ZMAT5: variants seen among roughly 807,000 people sequenced by gnomAD.
The protein encoded by ZMAT5 is zinc finger matrin-type protein 5.
Under a neutral mutation model 28.0 loss-of-function variants are expected in ZMAT5, and 23 were observed. The ratio of observed to expected loss-of-function variants is 0.82; its 90% CI spans 0.59 to 1.16. ZMAT5 has a LOEUF of 1.16. Among genes scored for constraint, ZMAT5 ranks in the 50% most tolerant of loss-of-function variants. The probability of loss-of-function intolerance (pLI) is 0.00; values close to 1 mark genes in which losing one functional copy is unlikely to be tolerated. For missense variants in ZMAT5, 173 were observed against 212.7 expected (o/e 0.81, Z 1.16); for synonymous variants, 76 against 84.1 (o/e 0.90, Z 0.52).
At chr22:29,732,029 A>G (rs756073739) in intron 5 of ZMAT5, among the ~76,000 whole-genome samples, 3 of 152,156 alleles carry the variant, frequency 2.0e-5, no homozygotes, top group Non-Finnish European at 4.4e-5. Context: ...CTCCCCTGGA[A>G]CTTGGGGTCC....
chr22:29,761,269 C>CAA (rs131283), intron 1 of ZMAT5, among the ~76,000 whole-genome samples: 7,852 of 59,028 alleles, frequency 0.13, 894 homozygotes, highest in South Asian at 0.23. Context: ...AACTCCGTCT[C>CAA]AAAAAAAAAA....
chr22:29,742,453 T>C lies in ZMAT5; in HGVS notation c.155A>G (p.Gln52Arg). 2 of 1,613,204 alleles carry C rather than the reference T, an allele frequency of 1.2e-6. No homozygotes were observed. The highest frequency in any genetic ancestry group is 1.7e-6 in the Non-Finnish European group (2 of 1,179,958). The change falls in exon 3 of 6, where the codon CAG (glutamine) becomes CGG (arginine). Residue 52 changes from glutamine (Q) to arginine (R), a missense_variant. Coordinates refer to ENST00000344318, the MANE Select transcript of ZMAT5 (RefSeq NM_001003692.2). ...AAACTTCCTGCAGGGCCGCTTGTTC[T>C]GCTCATCCAGCAAGATGGCAGCTGC... ...RDAAAILLDE[Q>R]NKRPCRKFLL...
chr22:29,765,004 A>G (rs2068193139), intron 1 of ZMAT5, among the ~76,000 whole-genome samples: 1 of 152,132 alleles, frequency 6.6e-6, no homozygotes, highest in South Asian at 2.1e-4. Context: ...CCTCTAAACT[A>G]CAGATCCATG....
chr22:29,739,787 A>T (rs554204500), intron 4 of ZMAT5, among the ~76,000 whole-genome samples: 2 of 152,362 alleles, frequency 1.3e-5, no homozygotes, highest in Admixed American at 1.3e-4. Context: ...CCCTGGGGAA[A>T]AATGCTCCTG....
chr22:29,763,427 C>A (rs1027203666), intron 1 of ZMAT5, among the ~76,000 whole-genome samples: 1 of 151,480 alleles, frequency 6.6e-6, no homozygotes, highest in Non-Finnish European at 1.5e-5. Context: ...CATGGTGAAA[C>A]CCCTTCTCTA....
chr22:29,763,583 C>T (rs1191389224), intron 1 of ZMAT5, among the ~76,000 whole-genome samples: 1 of 151,670 alleles, frequency 6.6e-6, no homozygotes, highest in Admixed American at 6.6e-5. Flanking sequence ...GCCTGGGCAA[C>T]AGAACGAGAC....
intron 2 of ZMAT5, among the ~76,000 whole-genome samples, chr22:29,745,319 C>T (rs750614075): frequency 6.6e-6 from 1 of 152,144 alleles, no homozygotes; most frequent in Non-Finnish European, 1.5e-5. Flanking sequence ...CAGCTTATGC[C>T]CAGCAGATGC....
chr22:29,744,885 G>A (rs771683900), intron 2 of ZMAT5, among the ~76,000 whole-genome samples: 7 of 152,220 alleles, frequency 4.6e-5, no homozygotes, highest in Non-Finnish European at 8.8e-5. Context: ...GGCCCTGCAC[G>A]AGGAAGCCCA....
chr22:29,762,064 T>C (rs1230827318), intron 1 of ZMAT5, among the ~76,000 whole-genome samples: 2 of 152,222 alleles, frequency 1.3e-5, no homozygotes, highest in African/African-American at 4.8e-5. Flanking sequence ...GATTAGATTT[T>C]GTAGTAACTC....
In ZMAT5 at chr22:29,748,671, T is replaced by C. The variant is rs2232897; in HGVS notation, c.-27-100A>G. 4.1e-6 allele frequency: 6 copies of C among 1,452,776 alleles called. No homozygotes were observed. In the African/African-American group the frequency reaches 8.4e-5, roughly 20 times the overall value. The allele number at this position is 1,452,776 out of a possible 1,614,324, so 90.0% of individuals were successfully genotyped here. A position where few individuals can be genotyped will look rare whatever the true frequency, so the allele number is the denominator to read the frequency against. On this transcript the variant is annotated intron_variant, in intron 1 of 5. Transcript: ENST00000344318. ...GAGGGCCAGGCCTGAGCCCAGGCTT[T>C]ACTCATATGCACCCCGCCCCATTAG... is the stretch of plus-strand genomic sequence containing the variant.
At chr22:29,749,569 C>A (rs1412638772) in intron 1 of ZMAT5, among the ~76,000 whole-genome samples, 1 of 152,222 alleles carries the variant, frequency 6.6e-6, no homozygotes, top group East Asian at 1.9e-4. Flanking sequence ...GCTACTTTAT[C>A]CAAGATGGCA....
At chr22:29,763,430 C>T (rs1441789647) in intron 1 of ZMAT5, among the ~76,000 whole-genome samples, 1 of 151,688 alleles carries the variant, frequency 6.6e-6, no homozygotes, top group African/African-American at 2.4e-5. Flanking sequence ...GGTGAAACCC[C>T]TTCTCTACTA....
chr22:29,761,881 AAAGGTTACT>A (rs1238711834), intron 1 of ZMAT5, among the ~76,000 whole-genome samples: 8 of 152,338 alleles, frequency 5.3e-5, no homozygotes, highest in Non-Finnish European at 7.4e-5. Flanking sequence ...GGGGTGCTGT[AAAGGTTACT>A]AAGGGGCCCC....
chr22:29,757,745 T>C (rs184671161), intron 1 of ZMAT5, among the ~76,000 whole-genome samples: 7 of 152,256 alleles, frequency 4.6e-5, no homozygotes, highest in African/African-American at 1.4e-4. Context: ...AGGGAGGGCA[T>C]GGTGGCTCAC....
intron 1 of ZMAT5, among the ~76,000 whole-genome samples, chr22:29,750,588 T>C (rs774458600): frequency 6.6e-6 from 1 of 152,198 alleles, no homozygotes; most frequent in Non-Finnish European, 1.5e-5. Context: ...CAGGTCCACT[T>C]TGGGCCACCA....
At chr22:29,740,103 T>G (rs972232043) in intron 4 of ZMAT5, among the ~76,000 whole-genome samples, 2 of 152,206 alleles carry the variant, frequency 1.3e-5, no homozygotes, top group Non-Finnish European at 2.9e-5. Flanking sequence ...GGAAGAAGAT[T>G]GATAAACACC....
intron 1 of ZMAT5, among the ~76,000 whole-genome samples, chr22:29,756,431 C>T (rs2068101943): frequency 6.6e-6 from 1 of 152,186 alleles, no homozygotes; most frequent in East Asian, 1.9e-4. Context: ...TGGGTGGCAG[C>T]CACACACCTT....
chr22:29,755,791 G>A (rs961992577), intron 1 of ZMAT5, among the ~76,000 whole-genome samples: 1 of 152,146 alleles, frequency 6.6e-6, no homozygotes, highest in African/African-American at 2.4e-5. Context: ...GCTGCCAGTG[G>A]GCCAGGGTGC....
intron 2 of ZMAT5, chr22:29,748,211 T>C: frequency 1.5e-6 from 1 of 665,964 alleles, no homozygotes; most frequent in Non-Finnish European, 2.6e-6. Flanking sequence ...GCCTTCCTCC[T>C]GTCCACAGAG....
Sources: gnomAD v4.1 joint callset for allele counts (sites outside exome capture counted in the v4.1 genomes callset) on GRCh38, gnomAD v4.1.1 for gene constraint, MANE v1.5 for transcripts, NCBI Gene and HGNC (gene_info 2026-07-23, HGNC 2026-07-21) for gene names.